GLIS3: variants seen among roughly 807,000 people sequenced by gnomAD.
GLIS3 encodes the protein zinc finger protein GLIS3.
A neutral mutation model predicts 78.6 loss-of-function variants in GLIS3; 53 were observed. The observed-to-expected ratio is 0.67, with a 90% CI of 0.54 to 0.85. GLIS3 has a LOEUF of 0.85. Ranked by LOEUF, GLIS3 falls within the 40% of genes least tolerant of loss-of-function variation. GLIS3 has a pLI of 0.00. For missense variants in GLIS3, 1,703 were observed against 1,231.1 expected, an observed-to-expected ratio of 1.38 and a Z score of -5.74; for synonymous variants, 684 against 509.9, an observed-to-expected ratio of 1.34 and a Z score of -4.60.
At chr9:4,012,377 A>G (rs1327975667) in intron 4 of GLIS3, among the ~76,000 whole-genome samples, 1 of 152,200 alleles carries the variant, frequency 6.6e-6, no homozygotes, top group Admixed American at 6.5e-5. Context: ...AACATCTAGC[A>G]AACCAGATTC....
chr9:4,184,658 C>G (rs931944807), intron 2 of GLIS3, among the ~76,000 whole-genome samples: 4 of 152,228 alleles, frequency 2.6e-5, no homozygotes, highest in African/African-American at 9.6e-5. Flanking sequence ...AGAGTTCCTA[C>G]TGGGGGAACC....
intron 2 of GLIS3, among the ~76,000 whole-genome samples, chr9:4,279,800 G>A (rs1827385356): frequency 6.6e-6 from 1 of 151,394 alleles, no homozygotes; most frequent in African/African-American, 2.4e-5. Flanking sequence ...CCTTTACTTA[G>A]GTTTATCCCT....
the GLIS3 span, among the ~76,000 whole-genome samples, chr9:4,478,546 G>T: frequency 2.7e-3 from 407 of 152,124 alleles, 1 homozygote; most frequent in Middle Eastern, 6.8e-3. Context: ...AGGAGGTGGA[G>T]GCTGCAGTGA....
chr9:4,183,296 G>A (rs1295211621), intron 2 of GLIS3, among the ~76,000 whole-genome samples: 1 of 152,126 alleles, frequency 6.6e-6, no homozygotes, highest in Non-Finnish European at 1.5e-5. Flanking sequence ...AAGAGTCCAT[G>A]GTTTTAAGGA....
At chr9:3,976,870 G>GAA (rs540976193) in intron 4 of GLIS3, among the ~76,000 whole-genome samples, 5 of 65,068 alleles carry the variant, frequency 7.7e-5, no homozygotes, top group Admixed American at 7.3e-4. Context: ...ATCTTTGGTG[G>GAA]AAAAAAAAAA....
chr9:3,972,781 C>T (rs1386698194), intron 4 of GLIS3, among the ~76,000 whole-genome samples: 1 of 152,038 alleles, frequency 6.6e-6, no homozygotes, highest in African/African-American at 2.4e-5. Context: ...TTAATTTATT[C>T]CTCAAGTTGT....
chr9:4,402,240 A>T, the GLIS3 span, among the ~76,000 whole-genome samples: 2 of 152,200 alleles, frequency 1.3e-5, no homozygotes, highest in Non-Finnish European at 2.9e-5. Context: ...AATTCTTCCA[A>T]ATCTCATCCA....
intron 2 of GLIS3, among the ~76,000 whole-genome samples, chr9:4,202,549 C>T (rs2131268986): frequency 6.6e-6 from 1 of 152,266 alleles, no homozygotes; most frequent in East Asian, 1.9e-4. Context: ...GGAGGCATCA[C>T]ATTGCCCAAC....
chr9:4,376,649 A>G, the GLIS3 span, among the ~76,000 whole-genome samples: 1 of 135,366 alleles, frequency 7.4e-6, no homozygotes, highest in Non-Finnish European at 1.7e-5. Context: ...CTTATAAAAG[A>G]AGAAATATAA....
intron 4 of GLIS3, among the ~76,000 whole-genome samples, chr9:4,114,548 G>C (rs992831035): frequency 3.9e-5 from 6 of 152,172 alleles, no homozygotes; most frequent in Admixed American, 3.9e-4. Flanking sequence ...ATTTACCAAG[G>C]TTGCAGTTGG....
chr9:4,150,094 G>C (rs1049842147), intron 2 of GLIS3, among the ~76,000 whole-genome samples: 1 of 152,098 alleles, frequency 6.6e-6, no homozygotes, highest in Non-Finnish European at 1.5e-5. Context: ...AGTGAATCTG[G>C]TACAATAAAA....
intron 4 of GLIS3, among the ~76,000 whole-genome samples, chr9:4,070,054 C>T (rs1827457691): frequency 6.6e-6 from 1 of 152,040 alleles, no homozygotes; most frequent in Admixed American, 6.6e-5. Context: ...GTCCAGCTTA[C>T]TTTTATCTGT....
chr9:4,280,085 T>C (rs1827408725), intron 2 of GLIS3, among the ~76,000 whole-genome samples: 1 of 152,200 alleles, frequency 6.6e-6, no homozygotes, highest in African/African-American at 2.4e-5. Flanking sequence ...AGTGGCACAA[T>C]CATGGCTCAC....
intron 4 of GLIS3, among the ~76,000 whole-genome samples, chr9:4,086,102 C>T (rs1470014215): frequency 2.6e-5 from 4 of 152,212 alleles, no homozygotes; most frequent in Non-Finnish European, 2.9e-5. Context: ...AATTCAATGT[C>T]TCTCACAATT....
chr9:4,395,718 G>C, the GLIS3 span, among the ~76,000 whole-genome samples: 1 of 150,426 alleles, frequency 6.6e-6, no homozygotes, highest in East Asian at 1.9e-4. Flanking sequence ...TCAAGCTTTT[G>C]TTATCGTTTA....
At chr9:4,315,335 G>A (rs1172792196) in intron 2 of GLIS3, among the ~76,000 whole-genome samples, 4 of 152,142 alleles carry the variant, frequency 2.6e-5, no homozygotes, top group African/African-American at 7.2e-5. Flanking sequence ...AGACTGAATG[G>A]TTTGCCGGGA....
At chr9:4,483,826 C>A in the GLIS3 span, among the ~76,000 whole-genome samples, 16 of 151,864 alleles carry the variant, frequency 1.1e-4, no homozygotes, top group African/African-American at 3.6e-4. Context: ...GGAAAACTTA[C>A]ACAAGGAGCT....
the GLIS3 span, among the ~76,000 whole-genome samples, chr9:4,481,310 C>A: frequency 3.1e-3 from 470 of 152,126 alleles, 3 homozygotes; most frequent in African/African-American, 0.011. Context: ...ATGGTGAAAC[C>A]CTGTCTCTAC....
chr9:4,316,262 C>T (rs978685213), intron 2 of GLIS3, among the ~76,000 whole-genome samples: 5 of 152,178 alleles, frequency 3.3e-5, no homozygotes, highest in African/African-American at 1.2e-4. Context: ...TTTGCAAATC[C>T]AGTGACTGCT....
Sources: allele counts gnomAD v4.1 joint callset (sites outside exome capture counted in the v4.1 genomes callset), GRCh38; gene constraint gnomAD v4.1.1; transcripts MANE v1.5; gene names NCBI Gene and HGNC (gene_info 2026-07-23, HGNC 2026-07-21).